Variants in FBN2 observed in about 807,000 individuals in gnomAD.
The protein encoded by FBN2 is fibrillin-2.
FBN2 carries 105 observed loss-of-function variants against 355.6 expected under a neutral mutation model. The observed-to-expected ratio is 0.30, with a 90% CI of 0.25 to 0.35. FBN2 has a LOEUF of 0.35. FBN2 is among the 10% of genes least tolerant of loss of function. The pLI is 1.00. For synonymous variants in FBN2, 1,350 were observed against 1,301.2 expected, an observed-to-expected ratio of 1.04 and a Z score of -0.81; for missense variants, 3,280 against 3,758.7, an observed-to-expected ratio of 0.87 and a Z score of 3.33.
intron 15 of FBN2, among the ~76,000 whole-genome samples, chr5:128,373,973 G>A (rs189627063): frequency 6.6e-6 from 1 of 152,174 alleles, no homozygotes; most frequent in African/African-American, 2.4e-5. Flanking sequence ...TATATTTTAA[G>A]TTTTGTTAGG....
chr5:128,430,817 T>A (rs1216800069), intron 7 of FBN2, among the ~76,000 whole-genome samples: 1 of 151,796 alleles, frequency 6.6e-6, no homozygotes, highest in Non-Finnish European at 1.5e-5. Flanking sequence ...ACCACTGCAC[T>A]CCAGTCTGGG....
chr5:128,290,090 T>C, intron 50 of FBN2, 143 bp from the exon 51 acceptor site: 1 of 675,002 alleles, frequency 1.5e-6, no homozygotes, highest in Non-Finnish European at 2.7e-6. Context: ...TTTATTTTTA[T>C]GATTTATTTC....
At chr5:128,401,564 C>T (rs1322659662) in intron 8 of FBN2, among the ~76,000 whole-genome samples, 1 of 152,062 alleles carries the variant, frequency 6.6e-6, no homozygotes, top group East Asian at 1.9e-4. Context: ...GGGTGGATCA[C>T]AAGGTCAGGA....
At chr5:128,493,630 A>G (rs1179756072) in intron 5 of FBN2, among the ~76,000 whole-genome samples, 1 of 152,196 alleles carries the variant, frequency 6.6e-6, no homozygotes, top group Non-Finnish European at 1.5e-5. Flanking sequence ...CCATGAAAAT[A>G]TTTTATGTTA....
chr5:128,449,372 TTTATAG>T (rs1754162237), intron 6 of FBN2, among the ~76,000 whole-genome samples: 12 of 145,354 alleles, frequency 8.3e-5, no homozygotes, highest in African/African-American at 2.0e-4. Flanking sequence ...TACTGTATAA[TTTATAG>T]TATACTATAT....
chr5:128,359,823 T>A (rs1299545424), intron 19 of FBN2, among the ~76,000 whole-genome samples: 1 of 151,828 alleles, frequency 6.6e-6, no homozygotes, highest in East Asian at 1.9e-4. Flanking sequence ...TGTAAGCAGG[T>A]GAGTCTCTGA....
At chr5:128,412,197 T>G (rs892647497) in intron 7 of FBN2, among the ~76,000 whole-genome samples, 2 of 152,242 alleles carry the variant, frequency 1.3e-5, no homozygotes, top group Non-Finnish European at 2.9e-5. Context: ...CTGTCATATC[T>G]GAAGTCTAGA....
intron 34 of FBN2, 68 bp from the exon 35 acceptor site, chr5:128,319,069 A>T: frequency 7.8e-7 from 1 of 1,287,218 alleles, no homozygotes; most frequent in Non-Finnish European, 1.1e-6. Context: ...GTAATGTCTA[A>T]CATTAGCGCA....
intron 2 of FBN2, 23 bp downstream of exon 2, chr5:128,536,379 T>A (rs748256021): frequency 6.2e-7 from 1 of 1,601,820 alleles, no homozygotes; most frequent in South Asian, 1.1e-5. Context: ...TGCCCCAAGC[T>A]GCGATCCCTG....
At chr5:128,369,932 A>G (rs763978254) in intron 15 of FBN2, among the ~76,000 whole-genome samples, 20 of 152,278 alleles carry the variant, frequency 1.3e-4, no homozygotes, top group African/African-American at 3.1e-4. Flanking sequence ...TGCTTTACAG[A>G]CATTATCTCA....
At chr5:128,318,048 T>C (rs2126853557) in intron 36 of FBN2, 101 bp downstream of exon 36, 1 of 1,279,432 alleles carries the variant, frequency 7.8e-7, no homozygotes, top group East Asian at 2.4e-5. Context: ...TGTTTTGTTT[T>C]TAAGTTAACT....
intron 11 of FBN2, among the ~76,000 whole-genome samples, chr5:128,391,567 A>G (rs1278803268): frequency 2.6e-5 from 4 of 152,170 alleles, no homozygotes; most frequent in Non-Finnish European, 5.9e-5. Flanking sequence ...AGTAGAGATA[A>G]CCAATGATTT....
intron 6 of FBN2, among the ~76,000 whole-genome samples, chr5:128,454,783 TCCTGTGTCCTAGCTAGGG>T (rs1754340452): frequency 6.6e-6 from 1 of 152,228 alleles, no homozygotes; most frequent in African/African-American, 2.4e-5. Flanking sequence ...CATGACCTTA[TCCTGTGTCCTAGCTAGGG>T]CCTGTGTCAA....
At position 128,536,425 on chromosome 5, in the gene FBN2, G is replaced by A; in HGVS notation, c.314C>T (p.Pro105Leu). 6.2e-7 allele frequency: 1 copy of A among 1,614,070 alleles called. No homozygotes were observed. The highest frequency in any genetic ancestry group is 8.5e-7 in the Non-Finnish European group (1 of 1,179,986). The change falls in exon 2 of 65, where the codon CCT becomes CTT. Residue 105 changes from proline (P) to leucine (L), a missense_variant. Pro to Leu is a moderately conservative substitution (Grantham distance 98). Coordinates refer to ENST00000262464, the MANE Select transcript of FBN2 (RefSeq NM_001999.4). The stretch of plus-strand genomic sequence containing the variant: ...ACGGACAATGCACTGGTTTCCTCCA[G>A]GGAGCGTCTTCCATCCAGGGCAGCA... ...SYCCPGWKTL[P>L]GGNQCIVPIC...
At chr5:128,432,842 T>G (rs866305963) in intron 7 of FBN2, among the ~76,000 whole-genome samples, 1 of 152,056 alleles carries the variant, frequency 6.6e-6, no homozygotes, top group African/African-American at 2.4e-5. Context: ...GAGGTTTAAT[T>G]TACTTGTAGT....
intron 18 of FBN2, among the ~76,000 whole-genome samples, chr5:128,362,828 C>A (rs1214898756): frequency 6.6e-6 from 1 of 152,096 alleles, no homozygotes; most frequent in African/African-American, 2.4e-5. Context: ...AAGAAATAAA[C>A]CCTGTAGTTT....
At chr5:128,267,135 T>A (rs933024746) in intron 62 of FBN2, among the ~76,000 whole-genome samples, 2 of 152,214 alleles carry the variant, frequency 1.3e-5, no homozygotes, top group African/African-American at 2.4e-5. Context: ...TTCATCCATG[T>A]CCCTGCAAAG....
chr5:128,345,721 C>T, intron 23 of FBN2, 137 bp from the exon 24 acceptor site: 1 of 742,816 alleles, frequency 1.3e-6, no homozygotes, highest in Non-Finnish European at 2.4e-6. Flanking sequence ...AGTCCCTGAC[C>T]TCCTGGAATG....
chr5:128,337,268 T>A (rs996884953), intron 27 of FBN2, among the ~76,000 whole-genome samples: 1 of 152,220 alleles, frequency 6.6e-6, no homozygotes, highest in African/African-American at 2.4e-5. Context: ...TAAATAAATA[T>A]ATGTGTATTG....
Sources: gnomAD v4.1 joint callset for allele counts (sites outside exome capture counted in the v4.1 genomes callset) on GRCh38, gnomAD v4.1.1 for gene constraint, MANE v1.5 for transcripts, NCBI Gene and HGNC (gene_info 2026-07-23, HGNC 2026-07-21) for gene names.